Variants in SDK1 observed in about 807,000 individuals in gnomAD.
The protein encoded by SDK1 is sidekick cell adhesion molecule 1.
In SDK1, 157 loss-of-function variants were observed where a neutral mutation model predicts 245.5. The observed-to-expected ratio is 0.64, with a 90% CI of 0.56 to 0.73. The LOEUF (loss-of-function observed/expected upper bound fraction) is 0.73, where lower values mean the gene tolerates loss of function less well. SDK1 is among the 30% of genes least tolerant of loss of function. The pLI is 0.00. For missense variants in SDK1, 3,583 were observed against 3,002.3 expected, an observed-to-expected ratio of 1.19 and a Z score of -4.52; for synonymous variants, 1,647 against 1,278.5, an observed-to-expected ratio of 1.29 and a Z score of -6.15.
chr7:3,423,133 G>A (rs902069987), intron 1 of SDK1, among the ~76,000 whole-genome samples: 1 of 152,176 alleles, frequency 6.6e-6, no homozygotes, highest in African/African-American at 2.4e-5. Context: ...AATCCAGGTT[G>A]TAAAGAGAAA....
At chr7:3,597,250 C>G (rs555949419) in intron 1 of SDK1, among the ~76,000 whole-genome samples, 1 of 127,946 alleles carries the variant, frequency 7.8e-6, no homozygotes, top group African/African-American at 3.1e-5. Flanking sequence ...CCAGCCTGGT[C>G]GACAGAGTAA....
intron 25 of SDK1, among the ~76,000 whole-genome samples, chr7:4,122,533 G>A (rs920910941): frequency 2.6e-5 from 4 of 152,186 alleles, no homozygotes; most frequent in Admixed American, 6.5e-5. Context: ...CAGAATGCTC[G>A]GAGCCACATT....
intron 1 of SDK1, among the ~76,000 whole-genome samples, chr7:3,448,000 G>A (rs1291140260): frequency 2.0e-5 from 3 of 151,984 alleles, no homozygotes; most frequent in South Asian, 4.2e-4. Context: ...CACTGCACCC[G>A]GCCTATATAT....
chr7:3,928,999 C>T (rs1779878135), intron 5 of SDK1, among the ~76,000 whole-genome samples: 1 of 152,356 alleles, frequency 6.6e-6, no homozygotes, highest in East Asian at 1.9e-4. Context: ...ACTCTCTGCC[C>T]TGTTCCTTAT....
chr7:3,910,449 A>T (rs1291367231), intron 5 of SDK1, among the ~76,000 whole-genome samples: 1 of 152,162 alleles, frequency 6.6e-6, no homozygotes, highest in African/African-American at 2.4e-5. Context: ...CTGTGTGTGT[A>T]TGTGTGTGCC....
chr7:3,428,706 C>G (rs1336757432), intron 1 of SDK1, among the ~76,000 whole-genome samples: 2 of 152,168 alleles, frequency 1.3e-5, no homozygotes, highest in Non-Finnish European at 2.9e-5. Context: ...TTGTAAAGAG[C>G]TACTCAAAGC....
chr7:4,099,062 T>C (rs7804332), intron 22 of SDK1, among the ~76,000 whole-genome samples: 4,091 of 151,584 alleles, frequency 0.027, 189 homozygotes, highest in African/African-American at 0.093. Flanking sequence ...AGCAAATGAG[T>C]GAGCAGGGTC....
intron 2 of SDK1, among the ~76,000 whole-genome samples, chr7:3,635,302 C>A (rs1370219046): frequency 2.6e-5 from 4 of 151,964 alleles, no homozygotes; most frequent in Non-Finnish European, 5.9e-5. Context: ...TTTATTAATC[C>A]TTCCCTAGGA....
rs112117812 is a variant in SDK1 at position 3,540,155 on chromosome 7, C to G, written c.299-78925C>G. Among the ~76,000 whole-genome samples the G allele has an allele frequency of 8.4e-3, 1,284 of 152,264 alleles. 23 individuals are homozygous for G. Among genetic ancestry groups the G allele is most frequent in the African/African-American group, 0.029 (1,206 of 41,556 alleles). ...GGTGTGGTGGCTGACGCCGGTAATC[C>G]TAGCACTTTGGAAGACCAAGGCAGG... On this transcript the variant is annotated intron_variant, in intron 1 of 44. Coordinates refer to ENST00000404826, the MANE Select transcript of SDK1 (RefSeq NM_152744.4).
intron 22 of SDK1, among the ~76,000 whole-genome samples, chr7:4,099,259 A>G (rs748390345): frequency 3.5e-4 from 53 of 151,622 alleles, no homozygotes; most frequent in Admixed American, 9.2e-4. Flanking sequence ...CGGTGATGCC[A>G]ACAGATCGAG....
chr7:3,717,504 A>G (rs1785238384), intron 4 of SDK1, among the ~76,000 whole-genome samples: 1 of 152,222 alleles, frequency 6.6e-6, no homozygotes, highest in Admixed American at 6.5e-5. Flanking sequence ...TCAAATCAAT[A>G]ATTTAAGCTC....
chr7:3,447,397 T>C (rs1375978186), intron 1 of SDK1, among the ~76,000 whole-genome samples: 1 of 151,426 alleles, frequency 6.6e-6, no homozygotes, highest in East Asian at 1.9e-4. Context: ...TTCATACTCT[T>C]CCCCATGCTC....
At chr7:3,437,326 T>C (rs1780057877) in intron 1 of SDK1, among the ~76,000 whole-genome samples, 2 of 152,176 alleles carry the variant, frequency 1.3e-5, no homozygotes, top group African/African-American at 4.8e-5. Context: ...AAAATCAGTG[T>C]AATCATTTGT....
chr7:4,096,554 T>G (rs77598525), intron 22 of SDK1, among the ~76,000 whole-genome samples: 388 of 152,210 alleles, frequency 2.5e-3, no homozygotes, highest in African/African-American at 8.8e-3. Context: ...AGAAGTTCAT[T>G]TAACGCTTTA....
intron 1 of SDK1, among the ~76,000 whole-genome samples, chr7:3,434,066 A>G (rs1240421496): frequency 6.6e-6 from 1 of 152,196 alleles, no homozygotes; most frequent in Non-Finnish European, 1.5e-5. Context: ...GAGGTGCAAC[A>G]ATGAAACAGA....
chr7:4,013,782 A>C (rs969066693), intron 16 of SDK1, among the ~76,000 whole-genome samples: 9 of 152,212 alleles, frequency 5.9e-5, no homozygotes, highest in African/African-American at 2.2e-4. Context: ...CCAGGGGTAC[A>C]CAAATAGCTC....
intron 4 of SDK1, among the ~76,000 whole-genome samples, chr7:3,656,834 G>A (rs1000388170): frequency 1.3e-5 from 2 of 149,434 alleles, no homozygotes; most frequent in African/African-American, 2.5e-5. Flanking sequence ...TGCAAGCTCC[G>A]CCTCCCGGGT....
intron 1 of SDK1, among the ~76,000 whole-genome samples, chr7:3,556,229 C>G (rs1378444944): frequency 2.0e-5 from 3 of 152,040 alleles, no homozygotes; most frequent in African/African-American, 7.2e-5. Flanking sequence ...GGAGTATATT[C>G]AGCCATAAAG....
chr7:3,902,759 A>G (rs1023619169), intron 5 of SDK1, among the ~76,000 whole-genome samples: 2 of 152,218 alleles, frequency 1.3e-5, no homozygotes, highest in African/African-American at 2.4e-5. Context: ...AATGCTTCAT[A>G]AAGAGCTGTT....
Sources: gnomAD v4.1 joint callset for allele counts (sites outside exome capture counted in the v4.1 genomes callset) on GRCh38, gnomAD v4.1.1 for gene constraint, MANE v1.5 for transcripts, NCBI Gene and HGNC (gene_info 2026-07-23, HGNC 2026-07-21) for gene names.